Variants in PTPRB observed in about 807,000 individuals in gnomAD.
PTPRB encodes the protein receptor-type tyrosine-protein phosphatase beta.
A neutral mutation model predicts 238.1 loss-of-function variants in PTPRB; 97 were observed. The observed-to-expected ratio is 0.41, with a 90% CI of 0.35 to 0.48. The LOEUF (loss-of-function observed/expected upper bound fraction) is 0.48. PTPRB is among the 20% of genes least tolerant of loss of function. The probability of loss-of-function intolerance (pLI) is 0.30; values close to 1 mark genes in which losing one functional copy is unlikely to be tolerated. For missense variants in PTPRB, 2,292 were observed against 2,681.9 expected, an observed-to-expected ratio of 0.85 and a Z score of 3.21; for synonymous variants, 970 against 995.4, an observed-to-expected ratio of 0.97 and a Z score of 0.48.
At chr12:70,589,545 C>T (rs924614820) in intron 8 of PTPRB, among the ~76,000 whole-genome samples, 1 of 152,124 alleles carries the variant, frequency 6.6e-6, no homozygotes, top group Admixed American at 6.5e-5. Context: ...CTTATTCTTC[C>T]CTTCCCTAAA....
intron 3 of PTPRB, among the ~76,000 whole-genome samples, chr12:70,619,423 C>T (rs1884828753): frequency 6.6e-6 from 1 of 152,112 alleles, no homozygotes; most frequent in African/African-American, 2.4e-5. Flanking sequence ...TGCAGCTCTT[C>T]CCATCAAGAA....
chr12:70,589,394 C>T (rs183687315), intron 8 of PTPRB, among the ~76,000 whole-genome samples: 85 of 152,320 alleles, frequency 5.6e-4, no homozygotes, highest in African/African-American at 1.9e-3. Context: ...GTGCAACTCT[C>T]TTATTTGACA....
At chr12:70,561,288 G>A (rs1878451261) in intron 16 of PTPRB, among the ~76,000 whole-genome samples, 1 of 152,090 alleles carries the variant, frequency 6.6e-6, no homozygotes, top group African/African-American at 2.4e-5. Flanking sequence ...CTATCTCATT[G>A]CAGCCACCAT....
rs368854754 is a variant in PTPRB, at chr12:70,555,893, T to G, written c.4970A>C (p.Asp1657Ala). The change falls in exon 19 of 34, where the codon GAC becomes GCC. Residue 1657 changes from aspartate (D) to alanine (A), a missense_variant. Transcript: ENST00000334414. ...ACGGTCTATCATTGTGATAGTGCTGTCTTCAACCACCTCGCTGGTCATGCC... is the reference window on the plus strand; with the variant it reads ...ACGGTCTATCATTGTGATAGTGCTGGCTTCAACCACCTCGCTGGTCATGCC... ...SAGMTSEVVE[D>A]STITMIDRPP... 14 of 1,612,818 alleles carry G rather than the reference T, an allele frequency of 8.7e-6. No individual in the cohort carries two copies. The highest frequency in any genetic ancestry group is 1.2e-5 in the Non-Finnish European group (14 of 1,179,880).
chr12:70,544,595 G>GA lies in PTPRB; in HGVS notation c.5455dup (p.Ser1819PhefsTer12). On this transcript the variant is annotated frameshift_variant, in exon 22 of 34. Transcript: ENST00000334414. LOFTEE classifies it high-confidence loss of function. ...GATGGGTAAAGAAAAAAATGTGTCT[G>GA]AATAGAGTGGCTTTGTGAATTCCTT... 6.2e-7 allele frequency: 1 copy of GA among 1,611,610 alleles called. No individual in the cohort carries two copies. Among genetic ancestry groups the GA allele is most frequent in the Non-Finnish European group, 8.5e-7 (1 of 1,179,080 alleles).
intron 2 of PTPRB, among the ~76,000 whole-genome samples, chr12:70,632,172 C>T (rs970064396): frequency 3.9e-5 from 6 of 152,072 alleles, no homozygotes; most frequent in African/African-American, 9.7e-5. Context: ...AGACTTGGAA[C>T]CAACCCAAAT....
At chr12:70,580,957 T>C (rs1160735625) in intron 10 of PTPRB, 79 bp downstream of exon 10, 2 of 1,460,158 alleles carry the variant, frequency 1.4e-6, no homozygotes, top group African/African-American at 2.8e-5. Flanking sequence ...GATTTTAGGA[T>C]ATTTCTATAA....
intron 27 of PTPRB, 32 bp downstream of exon 27, chr12:70,538,892 G>C (rs747404821): frequency 9.8e-6 from 15 of 1,536,872 alleles, no homozygotes; most frequent in Non-Finnish European, 1.3e-5. Context: ...GCTAGAGGAA[G>C]ACAGTATTAC....
intron 32 of PTPRB, 146 bp from the exon 33 acceptor site, chr12:70,524,737 A>G (rs2136197617): frequency 1.2e-6 from 1 of 862,108 alleles, no homozygotes; most frequent in Non-Finnish European, 1.7e-6. Flanking sequence ...GGTAAATAAA[A>G]GAGTGACTGT....
chr12:70,536,983 C>T, intron 28 of PTPRB, among the ~76,000 whole-genome samples: 1 of 152,168 alleles, frequency 6.6e-6, no homozygotes, highest in East Asian at 1.9e-4. Flanking sequence ...CACCAAGAGG[C>T]TTGTCAGAAA....
At chr12:70,522,261 G>A (rs1360126712) in intron 33 of PTPRB, among the ~76,000 whole-genome samples, 2 of 152,158 alleles carry the variant, frequency 1.3e-5, no homozygotes, top group African/African-American at 4.8e-5. Flanking sequence ...CTGATTTATA[G>A]AGAGATACCA....
Position 70,538,561 on chromosome 12 carries a change from G to GGGTAA in PTPRB, c.5870-335_5870-331dup, listed in dbSNP as rs375159365. 1.3e-3 allele frequency: 577 copies of GGGTAA among 434,476 alleles called. 2 individuals carry two copies. Among genetic ancestry groups the GGGTAA allele is most frequent in the African/African-American group, 0.01 (528 of 51,218 alleles). The allele number at this position is 434,476 out of a possible 1,614,324, so 26.9% of individuals were successfully genotyped here. A position where few individuals can be genotyped will look rare whatever the true frequency, so the allele number is the denominator to read the frequency against. On this transcript the variant is annotated intron_variant, in intron 27 of 33. Coordinates refer to ENST00000334414, the MANE Select transcript of PTPRB (RefSeq NM_001109754.4). Reference sequence around the variant, plus strand: ...CTACCTTCTATTGCTTTACCTAATGGGGTAAGGAAATTTAAGTAGAAATTG... The same window carrying GGGTAA: ...CTACCTTCTATTGCTTTACCTAATGGGGTAAGGTAAGGAAATTTAAGTAGAAATTG...
intron 2 of PTPRB, among the ~76,000 whole-genome samples, chr12:70,631,410 C>T (rs1219186689): frequency 6.6e-6 from 1 of 152,262 alleles, no homozygotes; most frequent in Non-Finnish European, 1.5e-5. Flanking sequence ...CTTCCTTACA[C>T]CTTATACAAA....
In PTPRB at chr12:70,571,920, C is replaced by T; in HGVS notation, c.3010G>A (p.Val1004Ile). Residue 1004 changes from valine (V) to isoleucine (I), a missense_variant, in exon 12 of 34, where the codon GTA becomes ATA. Val to Ile is a conservative substitution (Grantham distance 29). Transcript: ENST00000334414. ...CGTCCAGGGACTAGCTGAACAAATA[C>T]ACATTCGTTTTCTGACTTGGGAATG... ...KSIPKSENEC[V>I]FVQLVPGRLY... 1 of 1,613,964 alleles carries T rather than the reference C, an allele frequency of 6.2e-7. No individual in the cohort carries two copies. The highest frequency in any genetic ancestry group is 8.5e-7 in the Non-Finnish European group (1 of 1,179,854).
intron 3 of PTPRB, among the ~76,000 whole-genome samples, chr12:70,614,848 A>C (rs1884609752): frequency 6.6e-6 from 1 of 152,252 alleles, no homozygotes; most frequent in African/African-American, 2.4e-5. Context: ...GGTGTGATGC[A>C]TTAAAATGTA....
At position 70,516,137 on chromosome 12, in the gene PTPRB, T is replaced by A. The variant is rs1204137244; in HGVS notation, c.*5352A>T. On this transcript the variant is annotated 3_prime_UTR_variant, in exon 34 of 34. Transcript: ENST00000334414. ...ATATTAAAAACATAAAAGTGCTCTA[T>A]TATAGAACATAAAAAGTTCAGTTGC... 6.6e-6 allele frequency: 1 copy of A among 152,166 alleles called. No homozygotes were observed. Among genetic ancestry groups the A allele is most frequent in the Non-Finnish European group, 1.5e-5 (1 of 68,038 alleles). 9.4% of individuals were successfully genotyped at this position (152,166 alleles called of 1,614,324 possible). A position where few individuals can be genotyped will look rare whatever the true frequency, so the allele number is the denominator to read the frequency against.
chr12:70,548,153 C>T (rs899057183), intron 21 of PTPRB, among the ~76,000 whole-genome samples: 5 of 152,030 alleles, frequency 3.3e-5, no homozygotes, highest in Non-Finnish European at 7.4e-5. Flanking sequence ...ACGGTGAAAC[C>T]CCATCTCTAT....
chr12:70,637,179 A>G (rs1885742558), intron 1 of PTPRB, among the ~76,000 whole-genome samples, 162 bp downstream of exon 1: 2 of 152,106 alleles, frequency 1.3e-5, no homozygotes, highest in Admixed American at 6.6e-5. Context: ...TCTCAACAGT[A>G]TGGGCATAGC....
Position 70,569,816 on chromosome 12 carries a change from G to A in PTPRB, c.3493C>T (p.Gln1165Ter). Reference sequence around the variant, plus strand: ...GGAATAGTCTGAGAGTCAACCTTTTGACTGTGCCTGAATGCCGACACCGTG... The same window carrying A: ...GGAATAGTCTGAGAGTCAACCTTTTAACTGTGCCTGAATGCCGACACCGTG... ...SYTVSAFRHS[Q>*]KVDSQTIPKH... is the part of the protein sequence containing the mutation. The change falls in exon 14 of 34, where the codon CAA becomes TAA. Residue 1165 changes from glutamine (Q) to a stop codon, truncating the protein, a stop_gained. Transcript: ENST00000334414. LOFTEE classifies it high-confidence loss of function. 1 of 1,613,950 alleles carries A rather than the reference G, an allele frequency of 6.2e-7. No homozygotes were observed.
Sources: allele counts gnomAD v4.1 joint callset (sites outside exome capture counted in the v4.1 genomes callset), GRCh38; gene constraint gnomAD v4.1.1; transcripts MANE v1.5; gene names NCBI Gene and HGNC (gene_info 2026-07-23, HGNC 2026-07-21).